The following TMEM232 variants were observed in gnomAD, a reference collection of about 807,000 sequenced individuals.
TMEM232 encodes transmembrane protein 232.
TMEM232 carries 80 observed loss-of-function variants against 78.8 expected under a neutral mutation model. That is an observed-to-expected ratio of 1.01 (90% CI 0.85 to 1.22). The LOEUF (loss-of-function observed/expected upper bound fraction) is 1.22. TMEM232 is among the 50% of genes most tolerant of loss of function. The probability of loss-of-function intolerance (pLI) is 0.00; values close to 1 mark genes in which losing one functional copy is unlikely to be tolerated. For synonymous variants in TMEM232, 297 were observed against 254.3 expected, an observed-to-expected ratio of 1.17 and a Z score of -1.60; for missense variants, 881 against 742.2, an observed-to-expected ratio of 1.19 and a Z score of -2.17.
intron 1 of TMEM232, among the ~76,000 whole-genome samples, chr5:110,677,500 T>A (rs1792172268): frequency 6.6e-6 from 1 of 152,196 alleles, no homozygotes; most frequent in Non-Finnish European, 1.5e-5. Flanking sequence ...AGATATCTCA[T>A]AATTTAGCAA....
chr5:110,612,342 A>C (rs1197017562), intron 8 of TMEM232, among the ~76,000 whole-genome samples: 1 of 152,176 alleles, frequency 6.6e-6, no homozygotes, highest in Non-Finnish European at 1.5e-5. Context: ...AGACTAAGTT[A>C]TAATTGGCTC....
Position 110,458,552 on chromosome 5 carries a change from C to T in TMEM232, c.1704-33636G>A, listed in dbSNP as rs761662466. ...GAGAGATGGGTGCTGGCTGAAACTA[C>T]GGCACTAAGCCTAGCTATAATCTAG... On this transcript the variant is annotated intron_variant, in intron 12 of 13. Transcript: ENST00000455884. Among the ~76,000 whole-genome samples the T allele has an allele frequency of 3.9e-5, 6 of 152,208 alleles. No individual in the cohort carries two copies. The East Asian group carries it at 5.8e-4, about 15-fold the overall frequency.
At chr5:110,566,706 T>G (rs1032875657) in intron 11 of TMEM232, among the ~76,000 whole-genome samples, 1 of 151,938 alleles carries the variant, frequency 6.6e-6, no homozygotes, top group Admixed American at 6.6e-5. Flanking sequence ...GTTCCAAACT[T>G]TCCCACATTT....
intron 2 of TMEM232, among the ~76,000 whole-genome samples, chr5:110,642,788 G>C (rs1786925792): frequency 6.6e-6 from 1 of 152,214 alleles, no homozygotes; most frequent in East Asian, 1.9e-4. Context: ...AACATGGTTG[G>C]ATTTGAGGGA....
chr5:110,389,078 T>C (rs748827857), intron 4 of TMEM232, among the ~76,000 whole-genome samples: 7 of 152,062 alleles, frequency 4.6e-5, no homozygotes, highest in Non-Finnish European at 8.8e-5. Context: ...CTGGCCAACA[T>C]GGTGAAACCC....
chr5:110,405,830 A>T (rs1363655070), intron 2 of TMEM232, among the ~76,000 whole-genome samples: 2 of 151,728 alleles, frequency 1.3e-5, no homozygotes, highest in African/African-American at 4.8e-5. Context: ...TAAAGAAAAA[A>T]GAGAAAGAAA....
chr5:110,531,549 C>T lies in TMEM232; in HGVS notation c.1456-2714G>A, dbSNP rs149424516. Among the ~76,000 whole-genome samples the T allele has an allele frequency of 6.7e-3, 1,027 of 152,258 alleles. 7 individuals are homozygous for T. The highest frequency in any genetic ancestry group is 9.9e-3 in the Non-Finnish European group (674 of 68,020). On this transcript the variant is annotated intron_variant, in intron 11 of 13. Transcript: ENST00000455884. ...AATCTCTTTCGCCTTTCAATCTTGG[C>T]GCCACACTTCAATCTCTCCCTTCTC...
intron 1 of TMEM232, among the ~76,000 whole-genome samples, chr5:110,714,294 A>G (rs1213531980): frequency 6.6e-6 from 1 of 152,194 alleles, no homozygotes; most frequent in East Asian, 1.9e-4. Flanking sequence ...AGACTAGGAC[A>G]CCTATATGCT....
At chr5:110,647,837 G>C (rs1050299580) in intron 2 of TMEM232, among the ~76,000 whole-genome samples, 1 of 151,832 alleles carries the variant, frequency 6.6e-6, no homozygotes, top group African/African-American at 2.4e-5. Flanking sequence ...ACATTCAACA[G>C]GTGCATACTA....
downstream of TMEM232, chr5:110,417,616 T>G (rs1182296127): frequency 7.4e-6 from 1 of 134,860 alleles, no homozygotes; most frequent in East Asian, 2.4e-4. Context: ...TTTTTTCTTT[T>G]TCTTTTTTTT....
At chr5:110,596,049 G>A (rs1780119180) in intron 10 of TMEM232, among the ~76,000 whole-genome samples, 1 of 152,102 alleles carries the variant, frequency 6.6e-6, no homozygotes, top group Non-Finnish European at 1.5e-5. Flanking sequence ...ACCTACGAAG[G>A]GAAGCCCATC....
At chr5:110,596,632 C>T (rs1467729696) in intron 10 of TMEM232, among the ~76,000 whole-genome samples, 4 of 152,014 alleles carry the variant, frequency 2.6e-5, no homozygotes, top group East Asian at 1.9e-4. Context: ...ACTGGCAAAC[C>T]GAATCCAGCA....
chr5:110,462,970 G>T (rs1320115653), intron 12 of TMEM232, among the ~76,000 whole-genome samples: 2 of 152,152 alleles, frequency 1.3e-5, no homozygotes, highest in African/African-American at 4.8e-5. Flanking sequence ...TGGTAAAGAT[G>T]CTGTGAACAT....
chr5:110,589,826 A>G (rs1779294069), intron 10 of TMEM232, among the ~76,000 whole-genome samples: 1 of 152,182 alleles, frequency 6.6e-6, no homozygotes, highest in African/African-American at 2.4e-5. Context: ...AATGTTTTTC[A>G]AAATCAGAAT....
chr5:110,455,100 CA>C lies in TMEM232; in HGVS notation c.1704-30185del, dbSNP rs551190437. Among the ~76,000 whole-genome samples the C allele has an allele frequency of 1.6e-4, 24 of 152,106 alleles. No homozygotes were observed. The East Asian group carries it at 4.6e-3, about 29-fold the overall frequency. ...AAACTATAAACTACCAAAGTTTACT[CA>C]AGAAGAAATGGATAGCATGATTACT... On this transcript the variant is annotated intron_variant, in intron 12 of 13. Transcript: ENST00000455884.
chr5:110,415,789 C>G (rs1254899010), downstream of TMEM232, among the ~76,000 whole-genome samples: 1 of 152,078 alleles, frequency 6.6e-6, no homozygotes, highest in East Asian at 1.9e-4. Flanking sequence ...TGCTAACAGT[C>G]TGGCTATGTA....
At chr5:110,625,472 A>C in intron 6 of TMEM232, 39 bp from the exon 7 acceptor site, 1 of 1,469,122 alleles carries the variant, frequency 6.8e-7, no homozygotes, top group Non-Finnish European at 9.0e-7. Flanking sequence ...ATAATTTATT[A>C]ATATTTTGCA....
chr5:110,452,812 G>T (rs965468310), intron 12 of TMEM232, among the ~76,000 whole-genome samples: 1 of 152,164 alleles, frequency 6.6e-6, no homozygotes, highest in Non-Finnish European at 1.5e-5. Context: ...GACTACTAAT[G>T]ACTTTATGCC....
intron 2 of TMEM232, among the ~76,000 whole-genome samples, chr5:110,402,321 C>T (rs10214107): frequency 0.031 from 4,682 of 152,140 alleles, 265 homozygotes; most frequent in African/African-American, 0.11. Context: ...TTACATCTTG[C>T]TGCAGTCTTA....
Sources: allele counts gnomAD v4.1 joint callset (sites outside exome capture counted in the v4.1 genomes callset), GRCh38; gene constraint gnomAD v4.1.1; transcripts MANE v1.5; gene names NCBI Gene and HGNC (gene_info 2026-07-23, HGNC 2026-07-21).